BTBD1: variants seen among roughly 807,000 people sequenced by gnomAD.
The protein encoded by BTBD1 is BTB domain containing 1.
BTBD1 carries 34 observed loss-of-function variants against 48.0 expected under a neutral mutation model. That is an observed-to-expected ratio of 0.71 (90% confidence interval 0.54 to 0.94). The LOEUF (loss-of-function observed/expected upper bound fraction) is 0.94. Ranked by LOEUF, BTBD1 falls within the 40% of genes least tolerant of loss-of-function variation. The pLI is 0.00. For synonymous variants in BTBD1, 261 were observed against 242.1 expected, an observed-to-expected ratio of 1.08 and a Z score of -0.72; for missense variants, 543 against 625.6, an observed-to-expected ratio of 0.87 and a Z score of 1.41.
intron 1 of BTBD1, among the ~76,000 whole-genome samples, chr15:83,059,287 T>C (rs2033140109): frequency 6.6e-6 from 1 of 152,232 alleles, no homozygotes; most frequent in South Asian, 2.1e-4. Context: ...GGCTCACGCC[T>C]GTAATCCCAG....
Position 83,037,966 on chromosome 15 carries a change from C to T in BTBD1, c.862+3762G>A, listed in dbSNP as rs184824645. 4.0e-3 allele frequency among the ~76,000 whole-genome samples: 616 copies of T among 152,208 alleles called. 6 individuals carry two copies. The highest frequency in any genetic ancestry group is 4.2e-3 in the Non-Finnish European group (285 of 68,018). On this transcript the variant is annotated intron_variant, in intron 4 of 7. Coordinates refer to ENST00000261721, the MANE Select transcript of BTBD1 (RefSeq NM_025238.4). ...AGGCACGGTGGCAGGCACCTGTAAT[C>T]CCAGCTACTCGGGAGGCTGAGGCAG...
At chr15:83,063,791 T>A (rs149733633) in intron 1 of BTBD1, among the ~76,000 whole-genome samples, 1 of 152,252 alleles carries the variant, frequency 6.6e-6, no homozygotes, top group Non-Finnish European at 1.5e-5. Context: ...TTCACTCTTG[T>A]GTTCCTCCAA....
chr15:83,022,812 AT>A, intron 5 of BTBD1, among the ~76,000 whole-genome samples: 1 of 152,204 alleles, frequency 6.6e-6, no homozygotes, highest in Non-Finnish European at 1.5e-5. Flanking sequence ...AAATACAAAA[AT>A]TAACTGAGTG....
rs1427329318 is a variant in BTBD1, at chr15:83,058,980, CCATT to C, written c.402-2439_402-2436del. Among the ~76,000 whole-genome samples, 9 of 152,138 alleles carry C rather than the reference CCATT, an allele frequency of 5.9e-5. No individual in the cohort carries two copies. The South Asian group carries it at 1.9e-3, about 32-fold the overall frequency. The stretch of plus-strand genomic sequence containing the variant: ...TGTAGATTATTTTGTGTGAGATCTC[CCATT>C]CAAATTGCTTTTATCAAATTATACT... On this transcript the variant is annotated intron_variant, in intron 1 of 7. Coordinates refer to ENST00000261721, the MANE Select transcript of BTBD1 (RefSeq NM_025238.4).
In BTBD1 at chr15:83,017,761, C is replaced by T. The variant is rs1205973764; in HGVS notation, c.*306G>A. 1 of 169,448 alleles carries T rather than the reference C, an allele frequency of 5.9e-6. No individual in the cohort carries two copies. Among genetic ancestry groups the T allele is most frequent in the African/African-American group, 2.4e-5 (1 of 42,088 alleles). 10.5% of individuals were successfully genotyped at this position (169,448 alleles called of 1,614,324 possible). ...TATATATAACAAGAATCTTTCAATTCCCAAACTATTGAAAGACCCTAAGTC... is the reference window on the plus strand; with the variant it reads ...TATATATAACAAGAATCTTTCAATTTCCAAACTATTGAAAGACCCTAAGTC... On this transcript the variant is annotated 3_prime_UTR_variant, in exon 8 of 8. Coordinates refer to ENST00000261721, the MANE Select transcript of BTBD1 (RefSeq NM_025238.4).
At chr15:83,031,570 C>A (rs12911706) in intron 4 of BTBD1, among the ~76,000 whole-genome samples, 18,310 of 152,052 alleles carry the variant, frequency 0.12, 1,173 homozygotes, top group Middle Eastern at 0.22. Flanking sequence ...TAGGTGCGAA[C>A]TGAACAGTGA....
At position 83,018,717 on chromosome 15, in the gene BTBD1, GCACATGCTGTGTAGCA is replaced by G. The variant is rs747190044; in HGVS notation, c.1264_1279del (p.Cys422GlnfsTer15). ...GTGCATGACTCTTACTTTGAGTGTT[GCACATGCTGTGTAGCA>G]CACATTGGGCAGGATCTCTATGGGT... On this transcript the variant is annotated frameshift_variant, in exon 7 of 8. Coordinates refer to ENST00000261721, the MANE Select transcript of BTBD1 (RefSeq NM_025238.4). LOFTEE classifies it high-confidence loss of function. 1.9e-6 allele frequency: 3 copies of G among 1,613,904 alleles called. No individual in the cohort carries two copies. The highest frequency in any genetic ancestry group is 2.5e-6 in the Non-Finnish European group (3 of 1,179,896).
At chr15:83,057,670 G>A (rs897881846) in intron 1 of BTBD1, among the ~76,000 whole-genome samples, 4 of 152,208 alleles carry the variant, frequency 2.6e-5, no homozygotes, top group Non-Finnish European at 5.9e-5. Context: ...AAAACTTTCT[G>A]AAGTCTCCAA....
chr15:83,061,217 A>G (rs2033170401), intron 1 of BTBD1, among the ~76,000 whole-genome samples: 1 of 152,234 alleles, frequency 6.6e-6, no homozygotes, highest in Non-Finnish European at 1.5e-5. Flanking sequence ...ACTATAGGCA[A>G]CTTTAAAACA....
rs189758355 is a variant in BTBD1 at position 83,036,813 on chromosome 15, G to A, written c.862+4915C>T. On this transcript the variant is annotated intron_variant, in intron 4 of 7. Coordinates refer to ENST00000261721, the MANE Select transcript of BTBD1 (RefSeq NM_025238.4). Reference sequence around the variant, plus strand: ...TAAGAGAAAGAAGCCACACAAAAATGAATACACACCATATATATGATTTCC... The same window carrying A: ...TAAGAGAAAGAAGCCACACAAAAATAAATACACACCATATATATGATTTCC... Among the ~76,000 whole-genome samples, 162 of 152,238 alleles carry A rather than the reference G, an allele frequency of 1.1e-3. 1 individual carries two copies. Among genetic ancestry groups the A allele is most frequent in the African/African-American group, 3.7e-3 (154 of 41,526 alleles).
intron 1 of BTBD1, 141 bp downstream of exon 1, chr15:83,066,610 G>A: frequency 1.1e-6 from 1 of 903,494 alleles, no homozygotes; most frequent in Non-Finnish European, 1.5e-6. Flanking sequence ...CAACGGCTCG[G>A]GAGGAAACTG....
intron 5 of BTBD1, chr15:83,029,837 C>G (rs937974517): frequency 9.1e-6 from 3 of 328,778 alleles, no homozygotes; most frequent in African/African-American, 4.4e-5. Context: ...CCACTGCACT[C>G]CAGCCTGAGT....
chr15:83,017,867 T>TA lies in BTBD1; in HGVS notation c.*199dup, dbSNP rs1300704389. 1 of 349,934 alleles carries TA rather than the reference T, an allele frequency of 2.9e-6. No homozygotes were observed. The highest frequency in any genetic ancestry group is 5.1e-6 in the Non-Finnish European group (1 of 197,172). The allele number at this position is 349,934 out of a possible 1,614,324, so 21.7% of individuals were successfully genotyped here. A position where few individuals can be genotyped will look rare whatever the true frequency, so the allele number is the denominator to read the frequency against. ...ACCATTAAACCCAGTTCTTTTCTCT[T>TA]AAAGTTGTAAGAAAATGGAAAATCT... On this transcript the variant is annotated 3_prime_UTR_variant, in exon 8 of 8. Coordinates refer to ENST00000261721, the MANE Select transcript of BTBD1 (RefSeq NM_025238.4).
At chr15:83,056,279 A>C (rs1414041068) in intron 2 of BTBD1, 110 bp downstream of exon 2, 5 of 680,014 alleles carry the variant, frequency 7.4e-6, no homozygotes, top group Non-Finnish European at 1.2e-5. Flanking sequence ...AAATCATTTT[A>C]TATACTTTAA....
intron 6 of BTBD1, among the ~76,000 whole-genome samples, chr15:83,019,812 G>A (rs1355777154): frequency 6.6e-6 from 1 of 151,116 alleles, no homozygotes; most frequent in Non-Finnish European, 1.5e-5. Context: ...GGCCAGGCTG[G>A]TCTCAAACTC....
intron 4 of BTBD1, among the ~76,000 whole-genome samples, chr15:83,034,440 C>T (rs1237149374): frequency 6.6e-6 from 1 of 152,046 alleles, no homozygotes; most frequent in East Asian, 1.9e-4. Context: ...ATGGCAAAAC[C>T]CCATCTCTAC....
intron 1 of BTBD1, among the ~76,000 whole-genome samples, chr15:83,063,275 C>T (rs911420819): frequency 1.3e-5 from 2 of 152,200 alleles, no homozygotes; most frequent in Non-Finnish European, 2.9e-5. Flanking sequence ...GGTAATCTCA[C>T]TTGATCTCTC....
At chr15:83,018,680 A>T in intron 7 of BTBD1, 27 bp downstream of exon 7, 2 of 1,610,150 alleles carry the variant, frequency 1.2e-6, no homozygotes, top group Non-Finnish European at 1.7e-6. Flanking sequence ...AGAGGAAACC[A>T]TCTGGAACAT....
At chr15:83,040,021 A>C (rs2032719004) in intron 4 of BTBD1, among the ~76,000 whole-genome samples, 2 of 151,512 alleles carry the variant, frequency 1.3e-5, no homozygotes, top group Admixed American at 6.6e-5. Context: ...ACACACGGAC[A>C]CACACACACC....
Sources: allele counts gnomAD v4.1 joint callset (sites outside exome capture counted in the v4.1 genomes callset), GRCh38; gene constraint gnomAD v4.1.1; transcripts MANE v1.5; gene names NCBI Gene and HGNC (gene_info 2026-07-23, HGNC 2026-07-21).